The following ME3 variants were observed in gnomAD, a reference collection of about 807,000 sequenced individuals.
ME3 encodes the protein NADP-dependent malic enzyme, mitochondrial.
In ME3, 48 loss-of-function variants were observed where a neutral mutation model predicts 68.9. The observed-to-expected ratio is 0.70, with a 90% CI of 0.55 to 0.89. ME3 has a LOEUF of 0.89. Ranked by LOEUF, ME3 falls within the 40% of genes least tolerant of loss-of-function variation. ME3 has a pLI of 0.00. For synonymous variants in ME3, 320 were observed against 318.8 expected (o/e 1.00, Z -0.04); for missense variants, 675 against 797.4 (o/e 0.85, Z 1.85).
At chr11:86,489,581 G>A (rs1225848240) in intron 6 of ME3, among the ~76,000 whole-genome samples, 2 of 152,084 alleles carry the variant, frequency 1.3e-5, no homozygotes, top group South Asian at 2.1e-4. Context: ...GCCTTCAGCC[G>A]CCACACTCTC....
In ME3 at chr11:86,442,869, G is replaced by C; in HGVS notation, c.1605C>G (p.Tyr535Ter). 3.1e-6 allele frequency: 5 copies of C among 1,612,982 alleles called. No individual in the cohort carries two copies. Among genetic ancestry groups the C allele is most frequent in the Non-Finnish European group, 4.2e-6 (5 of 1,179,342 alleles). Residue 535 changes from tyrosine to a stop codon, truncating the protein, a stop_gained, in exon 14 of 15, where the codon TAC becomes TAG. Transcript: ENST00000543262. LOFTEE classifies it high-confidence loss of function. Reference sequence around the variant, plus strand: ...CGTCTCGGATGGTGCTGAGTGGTGGGTAGAGTCTCCCCTGGGACAGATGCT... The same window carrying C: ...CGTCTCGGATGGTGCTGAGTGGTGGCTAGAGTCTCCCCTGGGACAGATGCT...
chr11:86,547,595 C>T (rs944588266), intron 4 of ME3, among the ~76,000 whole-genome samples: 3 of 151,746 alleles, frequency 2.0e-5, no homozygotes, highest in African/African-American at 7.3e-5. Flanking sequence ...CAAACCTGCA[C>T]GTTCTGCACA....
intron 2 of ME3, among the ~76,000 whole-genome samples, chr11:86,599,506 A>G (rs1245484829): frequency 6.6e-6 from 1 of 152,264 alleles, no homozygotes; most frequent in Non-Finnish European, 1.5e-5. Context: ...GGGAGAATGG[A>G]AACAAGTTGG....
chr11:86,519,573 C>A (rs1954119067), intron 4 of ME3, among the ~76,000 whole-genome samples: 1 of 152,334 alleles, frequency 6.6e-6, no homozygotes, highest in East Asian at 1.9e-4. Flanking sequence ...CAAACCCCTG[C>A]AGCTGGGCTC....
chr11:86,446,581 T>G, intron 12 of ME3, 94 bp from the exon 13 acceptor site: 1 of 1,244,310 alleles, frequency 8.0e-7, no homozygotes, highest in Non-Finnish European at 1.1e-6. Context: ...GGACCCTTCT[T>G]CATCCTCTCC....
At chr11:86,660,906 C>G (rs923875141) in intron 2 of ME3, among the ~76,000 whole-genome samples, 4 of 152,166 alleles carry the variant, frequency 2.6e-5, no homozygotes, top group African/African-American at 9.7e-5. Context: ...TCAAAATTCT[C>G]CAGTCCCCAT....
intron 2 of ME3, among the ~76,000 whole-genome samples, chr11:86,591,202 T>C (rs371689459): frequency 3.6e-5 from 1 of 27,532 alleles, no homozygotes; most frequent in Non-Finnish European, 1.5e-4. Flanking sequence ...GTTGGAGGAG[T>C]TGGAGGAGTT....
At chr11:86,450,268 G>T in intron 9 of ME3, 33 bp downstream of exon 9, 1 of 1,596,628 alleles carries the variant, frequency 6.3e-7, no homozygotes, top group South Asian at 1.1e-5. Context: ...TTCTCTTCCT[G>T]GAGCAACCAA....
chr11:86,472,204 G>A (rs1001294146), intron 7 of ME3, among the ~76,000 whole-genome samples: 2 of 152,158 alleles, frequency 1.3e-5, no homozygotes, highest in African/African-American at 2.4e-5. Context: ...ACACAGGGCC[G>A]GATCTTGCCA....
At chr11:86,546,366 A>G (rs1956358839) in intron 4 of ME3, among the ~76,000 whole-genome samples, 1 of 152,236 alleles carries the variant, frequency 6.6e-6, no homozygotes, top group South Asian at 2.1e-4. Context: ...CTGTCATCAG[A>G]GTGAACAGGC....
At chr11:86,652,800 A>T (rs1002081717) in intron 2 of ME3, among the ~76,000 whole-genome samples, 4 of 152,212 alleles carry the variant, frequency 2.6e-5, no homozygotes, top group African/African-American at 9.7e-5. Context: ...ACAGACTGGC[A>T]AATTGCATAA....
chr11:86,541,471 C>T (rs1361221996), intron 4 of ME3, among the ~76,000 whole-genome samples: 1 of 152,194 alleles, frequency 6.6e-6, no homozygotes, highest in East Asian at 1.9e-4. Context: ...GGAGGGGCAT[C>T]TGCCATTACT....
chr11:86,601,566 C>T, intron 2 of ME3, among the ~76,000 whole-genome samples: 1 of 152,056 alleles, frequency 6.6e-6, no homozygotes, highest in East Asian at 1.9e-4. Flanking sequence ...CTATTCCAAT[C>T]AATAGAAAAA....
intron 4 of ME3, among the ~76,000 whole-genome samples, chr11:86,516,372 T>TC (rs1953906490): frequency 1.6e-5 from 1 of 63,954 alleles, no homozygotes; most frequent in Non-Finnish European, 3.9e-5. Flanking sequence ...TCTCTCTCTT[T>TC]GTGTGTGTGT....
Position 86,470,314 on chromosome 11 carries a change from C to T in ME3, c.810-5114G>A, listed in dbSNP as rs78424223. On this transcript the variant is annotated intron_variant, in intron 7 of 14. Transcript: ENST00000543262. Reference sequence around the variant, plus strand: ...TGTTCCCCTCCCCCCAGAAAAAAACCCACATGCAAGACTTCCACAGCAGAG... The same window carrying T: ...TGTTCCCCTCCCCCCAGAAAAAAACTCACATGCAAGACTTCCACAGCAGAG... 5.6e-3 allele frequency among the ~76,000 whole-genome samples: 860 copies of T among 152,228 alleles called. 7 individuals are homozygous for T. Among genetic ancestry groups the T allele is most frequent in the African/African-American group, 0.02 (822 of 41,532 alleles).
chr11:86,656,846 G>A (rs1945917940), intron 2 of ME3, among the ~76,000 whole-genome samples: 1 of 133,382 alleles, frequency 7.5e-6, no homozygotes, highest in Admixed American at 7.7e-5. Context: ...TAATGCGGCT[G>A]ATAAACATAT....
In ME3 at chr11:86,554,923, C is replaced by A. The variant is rs374671262; in HGVS notation, c.467+1630G>T. ...AAAAACATGAAAAACAAAAAGAAAA[C>A]TATGGGATAGACGAAGTATGTGTAA... is the stretch of plus-strand genomic sequence containing the variant. On this transcript the variant is annotated intron_variant, in intron 4 of 14. Coordinates refer to ENST00000543262, the Ensembl canonical transcript of ME3. Among the ~76,000 whole-genome samples, 8 of 152,240 alleles carry A rather than the reference C, an allele frequency of 5.3e-5. 1 individual carries two copies. Among genetic ancestry groups the A allele is most frequent in the Admixed American group, 6.5e-5 (1 of 15,294 alleles).
Position 86,661,272 on chromosome 11 carries a change from C to T in ME3, c.183+10490G>A, listed in dbSNP as rs1311831004. Among the ~76,000 whole-genome samples the T allele has an allele frequency of 3.9e-5, 6 of 152,314 alleles. No individual in the cohort carries two copies. In the East Asian group the frequency reaches 1.2e-3, roughly 29 times the overall value. The stretch of plus-strand genomic sequence containing the variant: ...GGATGAATGAATTACTGCCATGTGG[C>T]GTTATCGAGGAGGGCATCATAGCAG... On this transcript the variant is annotated intron_variant, in intron 2 of 14. Transcript: ENST00000543262.
rs117772469 is a variant in ME3, at chr11:86,533,706, A to G, written c.467+22847T>C. Among the ~76,000 whole-genome samples, 921 of 152,328 alleles carry G rather than the reference A, an allele frequency of 6.0e-3. 34 individuals carry two copies. In the East Asian group the frequency reaches 0.091, roughly 15 times the overall value. Reference sequence around the variant, plus strand: ...ACAAAGAAAAGAAGACTACAGGCTAATATCCTTGATGAACACAGATATAAA... The same window carrying G: ...ACAAAGAAAAGAAGACTACAGGCTAGTATCCTTGATGAACACAGATATAAA... On this transcript the variant is annotated intron_variant, in intron 4 of 14. Transcript: ENST00000543262.
Sources: gnomAD v4.1 joint callset for allele counts (sites outside exome capture counted in the v4.1 genomes callset) on GRCh38, gnomAD v4.1.1 for gene constraint, MANE v1.5 for transcripts, NCBI Gene and HGNC (gene_info 2026-07-23, HGNC 2026-07-21) for gene names.